SYNPO: variants seen among roughly 807,000 people sequenced by gnomAD.
SYNPO encodes the protein synaptopodin.
A neutral mutation model predicts 49.5 loss-of-function variants in SYNPO; 19 were observed. The ratio of observed to expected loss-of-function variants is 0.38; its 90% CI spans 0.27 to 0.56. SYNPO has a LOEUF of 0.56. Ranked by LOEUF, SYNPO falls within the 20% of genes least tolerant of loss-of-function variation. SYNPO has a pLI of 0.68. For synonymous variants in SYNPO, 536 were observed against 548.0 expected, an observed-to-expected ratio of 0.98 and a Z score of 0.31; for missense variants, 1,131 against 1,248.3, an observed-to-expected ratio of 0.91 and a Z score of 1.42.
intron 1 of SYNPO, among the ~76,000 whole-genome samples, chr5:150,616,343 C>A (rs1756983167): frequency 6.6e-6 from 1 of 152,224 alleles, no homozygotes; most frequent in South Asian, 2.1e-4. Flanking sequence ...CACTGCTCCC[C>A]ATTTTGCAGT....
At chr5:150,651,381 G>A in intron 2 of SYNPO, 1 of 1,000,450 alleles carries the variant, frequency 1.0e-6, no homozygotes, top group Non-Finnish European at 1.2e-6. Context: ...TATACAAGGA[G>A]GGCTTTTCTA....
At chr5:150,592,090 G>A in the SYNPO span, among the ~76,000 whole-genome samples, 16 of 152,244 alleles carry the variant, frequency 1.1e-4, no homozygotes, top group East Asian at 5.8e-4. Context: ...GCTTGAACCC[G>A]GGAGACGGAG....
chr5:150,648,982 T>C lies in SYNPO; in HGVS notation c.707T>C (p.Val236Ala). 1 of 1,614,088 alleles carries C rather than the reference T, an allele frequency of 6.2e-7. No individual in the cohort carries two copies. ...HFTLAKPPSVVNRTARPFGIQ... is the reference protein window; with the variant it reads ...HFTLAKPPSVANRTARPFGIQ... ...ACACTGGCCAAGCCCCCATCAGTGG[T>C]CAACAGGACGGCCAGGCCTTTTGGG... Residue 236 changes from valine (V) to alanine (A), a missense_variant, in exon 2 of 3, where the codon GTC (valine) becomes GCC (alanine). By Grantham distance (64) the Val-to-Ala change is moderately conservative. Coordinates refer to ENST00000307662, the MANE Select transcript of SYNPO (RefSeq NM_007286.6). This position sits in a 1 kb window ranked among gnomAD's most constrained non-coding sequence, Gnocchi z 5.0.
Position 150,649,761 on chromosome 5 carries a change from A to C in SYNPO, c.1486A>C (p.Ile496Leu). 1 of 1,612,978 alleles carries C rather than the reference A, an allele frequency of 6.2e-7. No individual in the cohort carries two copies. Among genetic ancestry groups the C allele is most frequent in the Non-Finnish European group, 8.5e-7 (1 of 1,180,008 alleles). The change falls in exon 2 of 3, where the codon ATC (isoleucine) becomes CTC (leucine). Residue 496 changes from isoleucine (I) to leucine (L), a missense_variant. Ile to Leu is a conservative substitution (Grantham distance 5). Coordinates refer to ENST00000307662, the MANE Select transcript of SYNPO (RefSeq NM_007286.6). ...RRQSRMEKYV[I>L]ESSSHTPELA... is the part of the protein sequence containing the mutation. Reference sequence around the variant, plus strand: ...CCAGTCACGGATGGAGAAATATGTCATCGAGTCTTCAAGCCACACGCCAGA... The same window carrying C: ...CCAGTCACGGATGGAGAAATATGTCCTCGAGTCTTCAAGCCACACGCCAGA...
In SYNPO at chr5:150,648,027, A is replaced by G. The variant is rs990869382; in HGVS notation, c.-249A>G. The G allele has an allele frequency of 1.3e-6, 2 of 1,551,624 alleles. No homozygotes were observed. Among genetic ancestry groups the G allele is most frequent in the Admixed American group, 3.9e-5 (2 of 50,994 alleles). On this transcript the variant is annotated 5_prime_UTR_variant, in exon 2 of 3. Transcript: ENST00000307662. This position sits in a 1 kb window ranked among gnomAD's most constrained non-coding sequence, Gnocchi z 5.0. The stretch of plus-strand genomic sequence containing the variant: ...CCAGCAGATTGCAGCCCAGCTGACC[A>G]CCCCTCCCAGCTCCAATTCCCGTGG...
At chr5:150,607,128 A>T (rs112329568) in intron 1 of SYNPO, among the ~76,000 whole-genome samples, 3,341 of 152,216 alleles carry the variant, frequency 0.022, 117 homozygotes, top group African/African-American at 0.076. Context: ...AAACTAACTT[A>T]AATACGTGTC....
Position 150,649,789 on chromosome 5 carries a change from T to G in SYNPO, c.1514T>G (p.Leu505Arg). The change falls in exon 2 of 3, where the codon CTG becomes CGG. Residue 505 changes from leucine (L) to arginine (R), a missense_variant. This residue lies in a region of SYNPO where 602 missense variants were observed against 720.7 expected (regional missense o/e 0.84). Transcript: ENST00000307662. ...VIESSSHTPE[L>R]ARCPSPTMSL... ...GAGTCTTCAAGCCACACGCCAGAGC[T>G]GGCCCGCTGCCCATCACCTACCATG... 6.2e-7 allele frequency: 1 copy of G among 1,612,018 alleles called. No individual in the cohort carries two copies. Among genetic ancestry groups the G allele is most frequent in the Non-Finnish European group, 8.5e-7 (1 of 1,180,022 alleles).
chr5:150,627,138 A>T (rs1757383240), intron 2 of SYNPO, among the ~76,000 whole-genome samples: 1 of 152,104 alleles, frequency 6.6e-6, no homozygotes, highest in Admixed American at 6.6e-5. Context: ...GCTTCTAGAC[A>T]TGAGCTCATC....
At chr5:150,640,134 G>A (rs1251554723), upstream of SYNPO, 2 of 985,292 alleles carry the variant, frequency 2.0e-6, no homozygotes, top group African/African-American at 3.5e-5. Flanking sequence ...CCTGGCATGT[G>A]GTGAGTATAC....
At chr5:150,638,179 A>G (rs1757782276), upstream of SYNPO, among the ~76,000 whole-genome samples, 1 of 152,082 alleles carries the variant, frequency 6.6e-6, no homozygotes, top group African/African-American at 2.4e-5. Flanking sequence ...CCTTATCTCC[A>G]TCTTTCAAGA....
chr5:150,648,575 A>G lies in SYNPO; in HGVS notation c.300A>G (p.Pro100=). 1 of 1,614,066 alleles carries G rather than the reference A, an allele frequency of 6.2e-7. No individual in the cohort carries two copies. ...CAGCCACCGATGTCAATCAGAACCC[A>G]CCGGCAACTGTTGTCCCACAGAGCC... The part of the protein sequence containing the change: ...NPPATDVNQN[P]PATVVPQSLP... The change falls in exon 2 of 3, where the codon CCA becomes CCG. Residue 100 remains proline, a synonymous_variant. Transcript: ENST00000307662. This position sits in a 1 kb window ranked among gnomAD's most constrained non-coding sequence, Gnocchi z 5.0.
rs995944166 is a variant in SYNPO, at chr5:150,656,639, C to A, written c.2264C>A (p.Ala755Glu). The part of the protein sequence containing the change: ...EARPPSRQLQ[A>E]LLARNIINAA... ...CGGCCCCCCAGCCGCCAGCTGCAGGCGCTTCTGGCGCGAAACATCATCAAT... is the reference window on the plus strand; with the variant it reads ...CGGCCCCCCAGCCGCCAGCTGCAGGAGCTTCTGGCGCGAAACATCATCAAT... The change falls in exon 3 of 3, where the codon GCG (alanine) becomes GAG (glutamate). Residue 755 changes from alanine (A) to glutamate (E), a missense_variant. By Grantham distance (107) the Ala-to-Glu change is moderately radical. Transcript: ENST00000307662. The A allele has an allele frequency of 1.9e-5, 28 of 1,507,954 alleles. No individual in the cohort carries two copies. In the African/African-American group the frequency reaches 2.7e-4, roughly 15 times the overall value. The allele number at this position is 1,507,954 out of a possible 1,614,324, so 93.4% of individuals were successfully genotyped here.
Position 150,648,104 on chromosome 5 carries a change from G to C in SYNPO, c.-172G>C, listed in dbSNP as rs1289581217. ...AGAGGGTGAACGAGTTCACCTTGGA[G>C]AGCCACGGCCAGAGGGGACAGAAGC... On this transcript the variant is annotated 5_prime_UTR_variant, in exon 2 of 3. Coordinates refer to ENST00000307662, the MANE Select transcript of SYNPO (RefSeq NM_007286.6). This position sits in a 1 kb window ranked among gnomAD's most constrained non-coding sequence, Gnocchi z 5.0. 1.3e-6 allele frequency: 2 copies of C among 1,551,866 alleles called. No homozygotes were observed. The highest frequency in any genetic ancestry group is 3.9e-5 in the Admixed American group (2 of 51,018).
At chr5:150,650,492 G>A (rs1758335281) in intron 2 of SYNPO, 189 bp downstream of exon 2, 9 of 1,495,776 alleles carry the variant, frequency 6.0e-6, no homozygotes, top group Non-Finnish European at 7.1e-6. Context: ...GACCTTGGGC[G>A]AGTCGCCTCC....
At chr5:150,616,256 C>G (rs941441760) in intron 1 of SYNPO, among the ~76,000 whole-genome samples, 65 of 152,310 alleles carry the variant, frequency 4.3e-4, no homozygotes, top group African/African-American at 1.5e-3. Context: ...GGGGCGGAGG[C>G]GTGACCACAG....
At chr5:150,631,952 G>A (rs1757555323) in intron 2 of SYNPO, among the ~76,000 whole-genome samples, 1 of 152,150 alleles carries the variant, frequency 6.6e-6, no homozygotes, top group African/African-American at 2.4e-5. Context: ...GGGTCAGCTT[G>A]TGTCTGAATG....
chr5:150,587,232 GTGGA>G, the SYNPO span, among the ~76,000 whole-genome samples: 7 of 151,724 alleles, frequency 4.6e-5, no homozygotes, highest in South Asian at 1.5e-3. Context: ...GGATGGATAT[GTGGA>G]TGGATGGATG....
At chr5:150,617,632 G>A (rs1364071036) in intron 1 of SYNPO, 1 of 152,036 alleles carries the variant, frequency 6.6e-6, no homozygotes, top group East Asian at 1.9e-4. Flanking sequence ...TCCTCCAAGG[G>A]CTCCTATCCC....
chr5:150,652,083 A>G, intron 2 of SYNPO: 4 of 1,000,118 alleles, frequency 4.0e-6, no homozygotes, highest in Non-Finnish European at 4.8e-6. Flanking sequence ...CCATGGGAAC[A>G]GGGGTGCCTT....
Sources: allele counts gnomAD v4.1 joint callset (sites outside exome capture counted in the v4.1 genomes callset), GRCh38; gene constraint gnomAD v4.1.1; regional missense constraint gnomAD v4.1.1; non-coding constraint Gnocchi (gnomAD v3.1); transcripts MANE v1.5; gene names NCBI Gene and HGNC (gene_info 2026-07-23, HGNC 2026-07-21).